DISC1: variants seen among roughly 807,000 people sequenced by gnomAD.
The protein encoded by DISC1 is DISC1 scaffold protein.
DISC1 carries 57 observed loss-of-function variants against 84.5 expected under a neutral mutation model. The observed-to-expected ratio is 0.67, with a 90% CI of 0.55 to 0.84. The LOEUF (loss-of-function observed/expected upper bound fraction) is 0.84, where lower values mean the gene tolerates loss of function less well. DISC1 is among the 40% of genes least tolerant of loss of function. The probability of loss-of-function intolerance (pLI) is 0.00; values close to 1 mark genes in which losing one functional copy is unlikely to be tolerated. For missense variants in DISC1, 1,000 were observed against 1,057.8 expected (o/e 0.95, Z 0.76); for synonymous variants, 411 against 415.2 (o/e 0.99, Z 0.12).
intron 6 of DISC1, among the ~76,000 whole-genome samples, chr1:231,775,024 G>A (rs1011072221): frequency 6.6e-6 from 1 of 152,168 alleles, no homozygotes; most frequent in Non-Finnish European, 1.5e-5. Flanking sequence ...TAGGCCAGAT[G>A]GAGAGAGCCA....
intron 3 of DISC1, among the ~76,000 whole-genome samples, chr1:231,732,157 A>T (rs745724493): frequency 6.6e-5 from 10 of 152,230 alleles, no homozygotes; most frequent in Non-Finnish European, 1.5e-4. Context: ...TGAAGGCTAC[A>T]TGAGAAAGGT....
intron 10 of DISC1, among the ~76,000 whole-genome samples, chr1:231,978,095 C>A (rs1663071655): frequency 1.3e-5 from 2 of 151,912 alleles, no homozygotes; most frequent in South Asian, 4.1e-4. Flanking sequence ...CTGTATTTTC[C>A]ATAAACTGGT....
chr1:231,932,750 TG>T (rs2090743575), intron 9 of DISC1, among the ~76,000 whole-genome samples: 1 of 152,186 alleles, frequency 6.6e-6, no homozygotes, highest in African/African-American at 2.4e-5. Context: ...CTAAGCTCAG[TG>T]GGTGACTGAG....
intron 6 of DISC1, among the ~76,000 whole-genome samples, chr1:231,781,934 T>C (rs962831819): frequency 2.0e-5 from 3 of 152,222 alleles, no homozygotes; most frequent in African/African-American, 7.2e-5. Flanking sequence ...AGCTCATTGC[T>C]TGCTGAGAAT....
intron 10 of DISC1, among the ~76,000 whole-genome samples, chr1:232,004,774 A>T (rs1667128586): frequency 6.6e-6 from 1 of 152,134 alleles, no homozygotes; most frequent in Admixed American, 6.5e-5. Context: ...TCTAGTATGG[A>T]CCAGACCCCA....
chr1:231,895,918 C>T (rs1387057820), intron 9 of DISC1, among the ~76,000 whole-genome samples: 1 of 152,150 alleles, frequency 6.6e-6, no homozygotes, highest in Non-Finnish European at 1.5e-5. Context: ...AATACGCATC[C>T]CTTCATGCTG....
At chr1:231,924,962 T>TC (rs1317101252) in intron 9 of DISC1, among the ~76,000 whole-genome samples, 2 of 151,790 alleles carry the variant, frequency 1.3e-5, no homozygotes, top group Non-Finnish European at 2.9e-5. Flanking sequence ...GGCCTTTTTT[T>TC]TTTTTTTTTT....
rs752028732 is a variant in DISC1 at position 232,008,871 on chromosome 1, C to T, written c.2129C>T (p.Ala710Val). Residue 710 changes from alanine to valine, a missense_variant, in exon 11 of 13, where the codon GCC (alanine) becomes GTC (valine). Physicochemically the swap from Ala to Val is moderately conservative, Grantham distance 64 (BLOSUM62 0). Around this residue, in one of 3 missense-constraint regions of DISC1, gnomAD observed 397 missense variants for 377.5 expected, o/e 1.05. Coordinates refer to ENST00000439617, the MANE Select transcript of DISC1 (RefSeq NM_018662.3). ...ATCCAGAGCCTACAGCTCCAGGAAG[C>T]CAGGGGAAGCCTGTCTGTAGAAGAT... ...LLIQSLQLQE[A>V]RGSLSVEDER... is the part of the protein sequence containing the mutation. The T allele has an allele frequency of 1.2e-6, 2 of 1,613,524 alleles. No homozygotes were observed. Among genetic ancestry groups the T allele is most frequent in the Non-Finnish European group, 1.7e-6 (2 of 1,179,682 alleles).
chr1:231,763,611 A>G (rs573881718), intron 4 of DISC1, among the ~76,000 whole-genome samples: 2 of 152,332 alleles, frequency 1.3e-5, no homozygotes, highest in African/African-American at 4.8e-5. Context: ...TATTGTTTCT[A>G]AATGTATGAA....
At chr1:231,801,821 G>GT (rs1270795717) in intron 8 of DISC1, among the ~76,000 whole-genome samples, 3,490 of 139,302 alleles carry the variant, frequency 0.025, 100 homozygotes, top group African/African-American at 0.068. Flanking sequence ...AAGGATCTTG[G>GT]TTTTTTTTTT....
At chr1:231,648,763 A>G (rs1255532075) in intron 1 of DISC1, among the ~76,000 whole-genome samples, 4 of 151,844 alleles carry the variant, frequency 2.6e-5, no homozygotes, top group Admixed American at 6.6e-5. Flanking sequence ...CAGAGATTCA[A>G]CTTCTTCCTG....
chr1:231,815,028 A>C (rs2080781558), intron 8 of DISC1: 1 of 151,162 alleles, frequency 6.6e-6, no homozygotes, highest in Non-Finnish European at 1.5e-5. Context: ...TAAAGGTGAG[A>C]AAGTTTGTAG....
At chr1:231,903,381 A>T (rs1450140176) in intron 9 of DISC1, among the ~76,000 whole-genome samples, 1 of 152,104 alleles carries the variant, frequency 6.6e-6, no homozygotes, top group African/African-American at 2.4e-5. Context: ...CAACAATTTA[A>T]CCCATTATAA....
intron 9 of DISC1, among the ~76,000 whole-genome samples, chr1:231,958,227 T>C (rs1659857965): frequency 6.6e-6 from 1 of 152,254 alleles, no homozygotes; most frequent in South Asian, 2.1e-4. Flanking sequence ...GCCTCTTTGA[T>C]CTGCTGAACC....
chr1:231,752,867 C>G (rs750763151), intron 4 of DISC1, among the ~76,000 whole-genome samples: 1 of 152,248 alleles, frequency 6.6e-6, no homozygotes, highest in African/African-American at 2.4e-5. Context: ...AGGCCCCATG[C>G]AAATTGAAAT....
chr1:231,994,430 G>A (rs1292898419), intron 10 of DISC1, among the ~76,000 whole-genome samples: 1 of 152,168 alleles, frequency 6.6e-6, no homozygotes, highest in Non-Finnish European at 1.5e-5. Flanking sequence ...CTCCCTCTCT[G>A]TTCTATTGAT....
intron 10 of DISC1, among the ~76,000 whole-genome samples, chr1:231,967,614 A>G (rs1168767813): frequency 6.6e-6 from 1 of 152,202 alleles, no homozygotes; most frequent in Non-Finnish European, 1.5e-5. Context: ...TCGGATTTAT[A>G]CACTTTTGAA....
intron 9 of DISC1, among the ~76,000 whole-genome samples, chr1:231,949,596 C>T (rs539499372): frequency 1.3e-5 from 2 of 152,206 alleles, no homozygotes; most frequent in South Asian, 2.1e-4. Flanking sequence ...TTGAGGAGGG[C>T]ACCTCCAGCC....
Position 231,713,376 on chromosome 1 carries a change from C to T in DISC1, c.1117+11352C>T, listed in dbSNP as rs145109512. Among the ~76,000 whole-genome samples the T allele has an allele frequency of 4.8e-3, 723 of 151,718 alleles. 5 individuals carry two copies. The highest frequency in any genetic ancestry group is 7.4e-3 in the Non-Finnish European group (500 of 67,922). On this transcript the variant is annotated intron_variant, in intron 3 of 12. Transcript: ENST00000439617. Reference sequence around the variant, plus strand: ...TTAAAATGATTGTCTTAATGATGTCCGAAGAACTAAAAGAAAACATGGACA... The same window carrying T: ...TTAAAATGATTGTCTTAATGATGTCTGAAGAACTAAAAGAAAACATGGACA...
Sources: gnomAD v4.1 joint callset for allele counts (sites outside exome capture counted in the v4.1 genomes callset) on GRCh38, gnomAD v4.1.1 for gene constraint, gnomAD v4.1.1 regional missense constraint, MANE v1.5 for transcripts, NCBI Gene and HGNC (gene_info 2026-07-23, HGNC 2026-07-21) for gene names.